The following NDUFV2 variants were observed in gnomAD, a reference collection of about 807,000 sequenced individuals.
The protein encoded by NDUFV2 is NADH dehydrogenase [ubiquinone] flavoprotein 2, mitochondrial.
A neutral mutation model predicts 31.6 loss-of-function variants in NDUFV2; 18 were observed. The ratio of observed to expected loss-of-function variants is 0.57; its 90% CI spans 0.39 to 0.84. The LOEUF is 0.84. NDUFV2 is among the 40% of genes least tolerant of loss of function. The pLI, the probability that NDUFV2 is intolerant of heterozygous loss-of-function variation, is 0.00. For synonymous variants in NDUFV2, 83 were observed against 99.8 expected (o/e 0.83, Z 1.01); for missense variants, 314 against 303.6 (o/e 1.03, Z -0.26).
rs546451006 is a variant in NDUFV2 at position 9,102,739 on chromosome 18, C to A, written c.-5C>A. Reference sequence around the variant, plus strand: ...GGCTGGGGAAGGTGAACAGTGTGGCCCGCCATGTTCTTCTCCGCGGCGCTC... The same window carrying A: ...GGCTGGGGAAGGTGAACAGTGTGGCACGCCATGTTCTTCTCCGCGGCGCTC... On this transcript the variant is annotated 5_prime_UTR_variant, in exon 1 of 8. Transcript: ENST00000318388. 5.1e-5 allele frequency: 81 copies of A among 1,586,446 alleles called. No individual in the cohort carries two copies. The African/African-American group carries it at 9.6e-4, about 19-fold the overall frequency.
chr18:9,125,767 G>T (rs1181143594), intron 6 of NDUFV2, among the ~76,000 whole-genome samples: 2 of 152,118 alleles, frequency 1.3e-5, no homozygotes, highest in East Asian at 1.9e-4. Context: ...TTTAAGAAGG[G>T]ATTTGCTTTG....
chr18:9,115,200 C>A (rs953602196), intron 1 of NDUFV2, among the ~76,000 whole-genome samples: 1 of 152,048 alleles, frequency 6.6e-6, no homozygotes, highest in African/African-American at 2.4e-5. Context: ...AAATAAGAGT[C>A]CCTTATTTCA....
At chr18:9,118,334 TAGA>T (rs1366337292) in intron 2 of NDUFV2, among the ~76,000 whole-genome samples, 1 of 152,180 alleles carries the variant, frequency 6.6e-6, no homozygotes, top group East Asian at 1.9e-4. Context: ...TAACTATAAA[TAGA>T]AGTCTGTGAA....
At chr18:9,104,646 G>A (rs1219864471) in intron 1 of NDUFV2, among the ~76,000 whole-genome samples, 1 of 152,090 alleles carries the variant, frequency 6.6e-6, no homozygotes, top group Non-Finnish European at 1.5e-5. Flanking sequence ...TAATGTTTCT[G>A]GAACTCTCTT....
chr18:9,110,995 T>C (rs1443952861), intron 1 of NDUFV2, among the ~76,000 whole-genome samples: 1 of 152,188 alleles, frequency 6.6e-6, no homozygotes, highest in African/African-American at 2.4e-5. Context: ...CTTTCTCTCT[T>C]AACAGGAGCA....
chr18:9,110,340 A>G (rs1037252376), intron 1 of NDUFV2, among the ~76,000 whole-genome samples: 1 of 152,174 alleles, frequency 6.6e-6, no homozygotes, highest in African/African-American at 2.4e-5. Context: ...ATGAATGTAA[A>G]ATAGGTGATA....
intron 1 of NDUFV2, among the ~76,000 whole-genome samples, chr18:9,108,312 A>T (rs774905697): frequency 6.6e-6 from 1 of 152,212 alleles, no homozygotes; most frequent in African/African-American, 2.4e-5. Context: ...CTTTATTTGG[A>T]GGATGTTTGT....
In NDUFV2 at chr18:9,102,731, AGT is replaced by A; in HGVS notation, c.-9_-8del. On this transcript the variant is annotated 5_prime_UTR_variant, in exon 1 of 8. Transcript: ENST00000318388. ...CCTGGCGCGGCTGGGGAAGGTGAAC[AGT>A]GTGGCCCGCCATGTTCTTCTCCGCG... 1 of 1,583,042 alleles carries A rather than the reference AGT, an allele frequency of 6.3e-7. No homozygotes were observed. The highest frequency in any genetic ancestry group is 8.6e-7 in the Non-Finnish European group (1 of 1,167,324).
chr18:9,121,735 G>A (rs1378049397), intron 4 of NDUFV2, among the ~76,000 whole-genome samples: 4 of 152,108 alleles, frequency 2.6e-5, no homozygotes, highest in Admixed American at 6.5e-5. Context: ...AGAAATCCTC[G>A]TTTTCCCTAA....
intron 7 of NDUFV2, among the ~76,000 whole-genome samples, chr18:9,130,656 A>T (rs559243736): frequency 2.6e-5 from 4 of 152,328 alleles, no homozygotes; most frequent in Admixed American, 1.3e-4. Flanking sequence ...TAATATAGTT[A>T]TAGTTATTCT....
chr18:9,118,402 C>A (rs987015616), intron 2 of NDUFV2, among the ~76,000 whole-genome samples: 3 of 151,916 alleles, frequency 2.0e-5, no homozygotes, highest in Admixed American at 6.6e-5. Flanking sequence ...TCTCCCTTTT[C>A]TGACAAGGTG....
At chr18:9,127,569 A>G (rs1421969629) in intron 7 of NDUFV2, among the ~76,000 whole-genome samples, 2 of 152,194 alleles carry the variant, frequency 1.3e-5, no homozygotes, top group Non-Finnish European at 2.9e-5. Context: ...CCTCCCAGGT[A>G]GAAGTGATTC....
chr18:9,125,131 C>A (rs2077978133), intron 6 of NDUFV2, 148 bp downstream of exon 6: 3 of 887,228 alleles, frequency 3.4e-6, no homozygotes, highest in Non-Finnish European at 5.0e-6. Flanking sequence ...TTAAAAAATT[C>A]TTTAAACATT....
At chr18:9,104,491 A>C (rs1300688280) in intron 1 of NDUFV2, among the ~76,000 whole-genome samples, 5 of 152,236 alleles carry the variant, frequency 3.3e-5, no homozygotes, top group Non-Finnish European at 2.9e-5. Context: ...TGAGGATCAG[A>C]CATGGTAGAA....
rs2077977738 is a variant in NDUFV2 at position 9,125,089 on chromosome 18, TAGAAG to T, written c.579+108_579+112del. 5.0e-6 allele frequency: 6 copies of T among 1,206,954 alleles called. No homozygotes were observed. The Admixed American group carries it at 6.7e-5, about 14-fold the overall frequency. 74.8% of individuals were successfully genotyped at this position (1,206,954 alleles called of 1,614,324 possible). A position where few individuals can be genotyped will look rare whatever the true frequency, so the allele number is the denominator to read the frequency against. On this transcript the variant is annotated intron_variant, in intron 6 of 7. Coordinates refer to ENST00000318388, the MANE Select transcript of NDUFV2 (RefSeq NM_021074.5). ...GATGTTGGTTTCTGAATTACTCATT[TAGAAG>T]AAATGGTTACCATAAATATCCAGGT...
At chr18:9,118,428 A>C (rs1283186078) in intron 2 of NDUFV2, among the ~76,000 whole-genome samples, 2 of 152,170 alleles carry the variant, frequency 1.3e-5, no homozygotes, top group African/African-American at 2.4e-5. Context: ...TTCAGGGATT[A>C]ATCTAGTATA....
intron 1 of NDUFV2, chr18:9,103,197 C>T (rs1225671101): frequency 5.0e-6 from 2 of 399,818 alleles, no homozygotes; most frequent in Non-Finnish European, 8.8e-6. Context: ...TAGGTTGCAG[C>T]ATACTGGAGA....
At chr18:9,134,042 T>C (rs1174165162) in intron 7 of NDUFV2, 144 bp from the exon 8 acceptor site, 1 of 600,128 alleles carries the variant, frequency 1.7e-6, no homozygotes, top group Non-Finnish European at 3.0e-6. Flanking sequence ...TTGCATCAGT[T>C]GAAATGTTTG....
chr18:9,110,962 A>C (rs1289266714), intron 1 of NDUFV2, among the ~76,000 whole-genome samples: 1 of 152,188 alleles, frequency 6.6e-6, no homozygotes, highest in Non-Finnish European at 1.5e-5. Context: ...GCAAGGATTA[A>C]AAAAAGATTA....
Sources: gnomAD v4.1 joint callset for allele counts (sites outside exome capture counted in the v4.1 genomes callset) on GRCh38, gnomAD v4.1.1 for gene constraint, MANE v1.5 for transcripts, NCBI Gene and HGNC (gene_info 2026-07-23, HGNC 2026-07-21) for gene names.